Variants in ADGRV1 observed in about 807,000 individuals in gnomAD.
ADGRV1 encodes the protein adhesion G protein-coupled receptor V1, also known as G-protein coupled receptor 98.
A neutral mutation model predicts 596.2 loss-of-function variants in ADGRV1; 359 were observed. The ratio of observed to expected loss-of-function variants is 0.60; its 90% CI spans 0.55 to 0.66. The LOEUF (loss-of-function observed/expected upper bound fraction) is 0.66. Ranked by LOEUF, ADGRV1 falls within the 30% of genes least tolerant of loss-of-function variation. The pLI is 0.00. For synonymous variants in ADGRV1, 2,681 were observed against 2,679.2 expected (o/e 1.00, Z -0.02); for missense variants, 7,274 against 7,575.6 (o/e 0.96, Z 1.48).
chr5:90,693,796 TA>T, intron 32 of ADGRV1, 93 bp from the exon 33 acceptor site: 2 of 938,374 alleles, frequency 2.1e-6, no homozygotes, highest in Non-Finnish European at 3.1e-6. Flanking sequence ...AACATTTTTT[TA>T]AAAAACTAAA....
intron 1 of ADGRV1, among the ~76,000 whole-genome samples, chr5:90,575,037 C>T (rs749359072): frequency 4.0e-5 from 6 of 151,218 alleles, no homozygotes; most frequent in Non-Finnish European, 4.4e-5. Context: ...TTTCAAAGAT[C>T]CAATTTTTGG....
intron 77 of ADGRV1, among the ~76,000 whole-genome samples, chr5:90,834,527 T>C (rs1462314524): frequency 6.6e-6 from 1 of 152,180 alleles, no homozygotes; most frequent in Non-Finnish European, 1.5e-5. Flanking sequence ...CTCCACTCTA[T>C]GTTATTTGTT....
At chr5:90,969,703 A>G (rs191686358) in intron 84 of ADGRV1, among the ~76,000 whole-genome samples, 111 of 152,352 alleles carry the variant, frequency 7.3e-4, no homozygotes, top group Non-Finnish European at 1.2e-3. Flanking sequence ...ACTCCTTGAA[A>G]CTATTGAAAT....
chr5:90,564,239 T>C (rs1371129934), intron 1 of ADGRV1, among the ~76,000 whole-genome samples: 1 of 152,244 alleles, frequency 6.6e-6, no homozygotes, highest in Non-Finnish European at 1.5e-5. Flanking sequence ...TCATTAGTTT[T>C]ATTTAACTAA....
At chr5:90,665,554 C>CA (rs1354839697) in intron 21 of ADGRV1, among the ~76,000 whole-genome samples, 1 of 151,186 alleles carries the variant, frequency 6.6e-6, no homozygotes, top group African/African-American at 2.4e-5. Context: ...TCGATCCTTT[C>CA]AAAAAACCAG....
intron 52 of ADGRV1, among the ~76,000 whole-genome samples, chr5:90,749,609 T>C (rs532654728): frequency 6.6e-6 from 1 of 152,318 alleles, no homozygotes; most frequent in Admixed American, 6.5e-5. Flanking sequence ...GGGGAATCTC[T>C]TTTCAGGTTA....
intron 17 of ADGRV1, among the ~76,000 whole-genome samples, chr5:90,651,372 T>C (rs1768594331): frequency 7.0e-6 from 1 of 143,874 alleles, no homozygotes; most frequent in Non-Finnish European, 1.5e-5. Flanking sequence ...CTTGAAATTA[T>C]GTAGGCATCT....
intron 89 of ADGRV1, among the ~76,000 whole-genome samples, chr5:91,162,812 A>C (rs1284012914): frequency 6.6e-6 from 1 of 152,076 alleles, no homozygotes; most frequent in Non-Finnish European, 1.5e-5. Flanking sequence ...ACAACTGTCA[A>C]CTCTGCAGAA....
In ADGRV1 at chr5:90,625,150, C is replaced by A; in HGVS notation, c.579C>A (p.Pro193=). The change falls in exon 6 of 90, where the codon CCC becomes CCA. Residue 193 remains proline (P), a synonymous_variant. Coordinates refer to ENST00000405460, the MANE Select transcript of ADGRV1 (RefSeq NM_032119.4). ...TGCAGGTAGAGGGTGGCCCAAATCCCCCTGATGAAGATTTGAGTCCAGTTA... is the reference window on the plus strand; with the variant it reads ...TGCAGGTAGAGGGTGGCCCAAATCCACCTGATGAAGATTTGAGTCCAGTTA... ...VTFEVEGGPN[P]PDEDLSPVKG... is the part of the protein sequence containing the mutation. 1 of 1,610,810 alleles carries A rather than the reference C, an allele frequency of 6.2e-7. No homozygotes were observed. The highest frequency in any genetic ancestry group is 1.1e-5 in the South Asian group (1 of 90,582).
rs111753827 is a variant in ADGRV1, at chr5:90,672,657, T to C, written c.4864T>C (p.Tyr1622His). The change falls in exon 22 of 90, where the codon TAC becomes CAC. Residue 1622 changes from tyrosine to histidine, a missense_variant. By Grantham distance (83) the Tyr-to-His change is moderately conservative (BLOSUM62 2). Coordinates refer to ENST00000405460, the MANE Select transcript of ADGRV1 (RefSeq NM_032119.4). ...ISQIETDGIN[Y>H]LVDDFANASG... The stretch of plus-strand genomic sequence containing the variant: ...ACAGATTGAAACTGATGGCATTAAT[T>C]ACCTTGTTGATGACTTTGCTAATGC... 7.1e-4 allele frequency: 1,151 copies of C among 1,613,690 alleles called. 9 individuals carry two copies. The African/African-American group carries it at 0.012, about 17-fold the overall frequency.
intron 85 of ADGRV1, among the ~76,000 whole-genome samples, chr5:91,025,492 T>C (rs1481021053): frequency 6.6e-6 from 1 of 152,134 alleles, no homozygotes; most frequent in Non-Finnish European, 1.5e-5. Flanking sequence ...AAATAACAGA[T>C]ATAATTACTT....
intron 85 of ADGRV1, among the ~76,000 whole-genome samples, chr5:91,059,663 A>G (rs572714684): frequency 6.6e-6 from 1 of 152,330 alleles, no homozygotes; most frequent in Non-Finnish European, 1.5e-5. Flanking sequence ...TTTCCCCCTC[A>G]ATATTGGGAA....
In ADGRV1 at chr5:90,849,773, TA is replaced by T. The variant is rs567707765; in HGVS notation, c.17204+956del. 1.8e-3 allele frequency among the ~76,000 whole-genome samples: 272 copies of T among 152,262 alleles called. 2 individuals carry two copies. The highest frequency in any genetic ancestry group is 6.2e-3 in the African/African-American group (257 of 41,556). ...AGAAAAAAGTTATAAGAACAAGGAATAAAATAATAATGATACAAATGATATT... is the reference window on the plus strand; with the variant it reads ...AGAAAAAAGTTATAAGAACAAGGAATAAATAATAATGATACAAATGATATT... On this transcript the variant is annotated intron_variant, in intron 79 of 89. Coordinates refer to ENST00000405460, the MANE Select transcript of ADGRV1 (RefSeq NM_032119.4).
intron 1 of ADGRV1, among the ~76,000 whole-genome samples, chr5:90,594,410 A>C (rs1463311541): frequency 6.6e-6 from 1 of 151,168 alleles, no homozygotes. Context: ...AAGTTTCCTG[A>C]GGCCTCCCCA....
At chr5:91,084,514 C>G (rs1009016124) in intron 86 of ADGRV1, among the ~76,000 whole-genome samples, 3 of 152,132 alleles carry the variant, frequency 2.0e-5, no homozygotes, top group Non-Finnish European at 4.4e-5. Context: ...AAATGCAAAT[C>G]AAAACCACAG....
At chr5:90,627,856 C>T in intron 7 of ADGRV1, 80 bp downstream of exon 7, 1 of 788,378 alleles carries the variant, frequency 1.3e-6, no homozygotes, top group Non-Finnish European at 1.9e-6. Flanking sequence ...TTGGACACAA[C>T]AATGAACTGT....
At chr5:91,142,286 AAAT>A (rs1402400696) in intron 87 of ADGRV1, among the ~76,000 whole-genome samples, 4 of 152,188 alleles carry the variant, frequency 2.6e-5, no homozygotes, top group African/African-American at 9.7e-5. Flanking sequence ...AAAAATAAAT[AAAT>A]AAAACAGTGA....
At chr5:90,874,731 A>G (rs1769055230) in intron 83 of ADGRV1, among the ~76,000 whole-genome samples, 2 of 151,956 alleles carry the variant, frequency 1.3e-5, no homozygotes, top group East Asian at 1.9e-4. Context: ...GGTGGCATGC[A>G]CCTGTAGTCT....
chr5:91,098,428 C>G (rs1453294790), intron 86 of ADGRV1, among the ~76,000 whole-genome samples: 2 of 152,182 alleles, frequency 1.3e-5, no homozygotes, highest in African/African-American at 2.4e-5. Flanking sequence ...TTGGCCCCTT[C>G]CAAGATCCTG....
Sources: allele counts gnomAD v4.1 joint callset (sites outside exome capture counted in the v4.1 genomes callset), GRCh38; gene constraint gnomAD v4.1.1; transcripts MANE v1.5; gene names NCBI Gene and HGNC (gene_info 2026-07-23, HGNC 2026-07-21).